The following GAREM1 variants were observed in gnomAD, a reference collection of about 807,000 sequenced individuals.
GAREM1 encodes GRB2-associated and regulator of MAPK protein 1.
In GAREM1, 26 loss-of-function variants were observed where a neutral mutation model predicts 71.3. The observed-to-expected ratio is 0.36, with a 90% CI of 0.27 to 0.51. The LOEUF (loss-of-function observed/expected upper bound fraction) is 0.51. Among genes scored for constraint, GAREM1 ranks in the 20% least tolerant of loss-of-function variants. The probability of loss-of-function intolerance (pLI) is 0.95; values close to 1 mark genes in which losing one functional copy is unlikely to be tolerated. For missense variants in GAREM1, 1,026 were observed against 1,103.1 expected, an observed-to-expected ratio of 0.93 and a Z score of 0.99; for synonymous variants, 440 against 433.2, an observed-to-expected ratio of 1.02 and a Z score of -0.20.
chr18:32,306,060 G>T lies in GAREM1; in HGVS notation c.393+4133C>A, dbSNP rs138610718. 7.9e-5 allele frequency among the ~76,000 whole-genome samples: 12 copies of T among 152,276 alleles called. No individual in the cohort carries two copies. In the East Asian group the frequency reaches 2.3e-3, roughly 29 times the overall value. ...AACTCTAGGACCACCCTACTGTACTGTCCTGGTTAACTCACTTTCCAGTCT... is the reference window on the plus strand; with the variant it reads ...AACTCTAGGACCACCCTACTGTACTTTCCTGGTTAACTCACTTTCCAGTCT... On this transcript the variant is annotated intron_variant, in intron 3 of 5. Transcript: ENST00000269209.
chr18:32,311,468 A>C (rs1433810796), intron 2 of GAREM1, among the ~76,000 whole-genome samples: 1 of 152,226 alleles, frequency 6.6e-6, no homozygotes, highest in Non-Finnish European at 1.5e-5. Context: ...CAGGAGATGG[A>C]TACTATAATA....
At chr18:32,408,802 T>C (rs1248629564) in intron 1 of GAREM1, among the ~76,000 whole-genome samples, 2 of 152,200 alleles carry the variant, frequency 1.3e-5, no homozygotes, top group Non-Finnish European at 2.9e-5. Flanking sequence ...AGAATCTATA[T>C]GCCAATCAAA....
intron 2 of GAREM1, among the ~76,000 whole-genome samples, chr18:32,310,953 C>G (rs964868765): frequency 2.0e-5 from 3 of 152,164 alleles, no homozygotes; most frequent in Non-Finnish European, 4.4e-5. Flanking sequence ...TTCCTCTCAA[C>G]CACTGAGCCT....
rs75083486 is a variant in GAREM1 at position 32,326,238 on chromosome 18, C to G, written c.263-15915G>C. On this transcript the variant is annotated intron_variant, in intron 2 of 5. Coordinates refer to ENST00000269209, the MANE Select transcript of GAREM1 (RefSeq NM_001242409.2). Reference sequence around the variant, plus strand: ...ACTTCGGTTATGGGAAAGATAGAGACTGGGAAATAACAAGTGTGATCTTTT... The same window carrying G: ...ACTTCGGTTATGGGAAAGATAGAGAGTGGGAAATAACAAGTGTGATCTTTT... Among the ~76,000 whole-genome samples the G allele has an allele frequency of 7.4e-3, 1,128 of 152,314 alleles. 11 individuals are homozygous for G. The highest frequency in any genetic ancestry group is 0.01 in the Non-Finnish European group (698 of 68,038).
Position 32,268,247 on chromosome 18 carries a change from T to A in GAREM1, c.2255A>T (p.Glu752Val), listed in dbSNP as rs1567940470. 1 of 1,614,074 alleles carries A rather than the reference T, an allele frequency of 6.2e-7. No individual in the cohort carries two copies. The highest frequency in any genetic ancestry group is 1.3e-5 in the African/African-American group (1 of 75,008). ...SPLPLKIDGA[E>V]EDPKSGSPDL... is the part of the protein sequence containing the mutation. ...TGGTGACCCAGACTTGGGGTCTTCC[T>A]CAGCACCATCAATTTTCAGAGGCAA... Residue 752 changes from glutamate to valine, a missense_variant, in exon 6 of 6, where the codon GAG becomes GTG. Physicochemically the swap from Glu to Val is moderately radical, Grantham distance 121 (BLOSUM62 -2). This residue lies in a region of GAREM1 where 636 missense variants were observed against 631.2 expected (regional missense o/e 1.01). Transcript: ENST00000269209.
rs372295234 is a variant in GAREM1 at position 32,310,253 on chromosome 18, C to A, written c.333G>T (p.Glu111Asp). The change falls in exon 3 of 6, where the codon GAG becomes GAT. Residue 111 changes from glutamate (E) to aspartate (D), a missense_variant. Physicochemically the swap from Glu to Asp is conservative, Grantham distance 45. Around this residue, in one of 3 missense-constraint regions of GAREM1, gnomAD observed 172 missense variants for 175.2 expected, o/e 0.98. Transcript: ENST00000269209. Reference sequence around the variant, plus strand: ...CGCGTTCAGGAAATGCCTTAGCCACCTCCTCCACACTGTTGAAATATTGCA... The same window carrying A: ...CGCGTTCAGGAAATGCCTTAGCCACATCCTCCACACTGTTGAAATATTGCA... Reference protein sequence around the residue: ...EPVQYFNSVEEVAKAFPERVY... With the variant: ...EPVQYFNSVEDVAKAFPERVY... The A allele has an allele frequency of 6.2e-7, 1 of 1,614,000 alleles. No individual in the cohort carries two copies. The highest frequency in any genetic ancestry group is 2.2e-5 in the East Asian group (1 of 44,870).
chr18:32,353,432 T>C (rs2047772848), intron 2 of GAREM1, among the ~76,000 whole-genome samples: 1 of 152,216 alleles, frequency 6.6e-6, no homozygotes, highest in African/African-American at 2.4e-5. Flanking sequence ...ATTTTGTTAA[T>C]GTACAGCCAG....
In GAREM1 at chr18:32,391,244, CAGTT is replaced by C. The variant is rs149323768; in HGVS notation, c.262+1647_262+1650del. 7.0e-4 allele frequency among the ~76,000 whole-genome samples: 107 copies of C among 152,264 alleles called. 1 individual carries two copies. The East Asian group carries it at 0.018, about 26-fold the overall frequency. Reference sequence around the variant, plus strand: ...AAAAGTGTCTAGTATGTTCAGGAAACAGTTAGACGACTAATGTAGCAAGAGTGGG... The same window carrying C: ...AAAAGTGTCTAGTATGTTCAGGAAACAGACGACTAATGTAGCAAGAGTGGG... On this transcript the variant is annotated intron_variant, in intron 2 of 5. Coordinates refer to ENST00000269209, the MANE Select transcript of GAREM1 (RefSeq NM_001242409.2).
At chr18:32,469,450 CAAGAG>C (rs2049029037) in intron 1 of GAREM1, among the ~76,000 whole-genome samples, 1 of 152,172 alleles carries the variant, frequency 6.6e-6, no homozygotes, top group South Asian at 2.1e-4. Flanking sequence ...ATGATGAAAA[CAAGAG>C]AAGACCAAAC....
chr18:32,457,198 GTA>G (rs2048898541), intron 1 of GAREM1, among the ~76,000 whole-genome samples: 3 of 110,980 alleles, frequency 2.7e-5, no homozygotes, highest in Non-Finnish European at 5.9e-5. Context: ...GATTGTGTGT[GTA>G]GGGGGGGAGA....
chr18:32,375,046 A>G (rs2048019550), intron 2 of GAREM1, among the ~76,000 whole-genome samples: 1 of 152,216 alleles, frequency 6.6e-6, no homozygotes. Flanking sequence ...TAGTCCTACT[A>G]AAAGTAATGC....
intron 2 of GAREM1, among the ~76,000 whole-genome samples, chr18:32,316,177 A>T (rs892474366): frequency 6.6e-6 from 1 of 152,228 alleles, no homozygotes; most frequent in Non-Finnish European, 1.5e-5. Flanking sequence ...TGATTAACAC[A>T]CACAGATAAG....
chr18:32,372,654 G>A (rs1166424218), intron 2 of GAREM1, among the ~76,000 whole-genome samples: 1 of 152,162 alleles, frequency 6.6e-6, no homozygotes, highest in Non-Finnish European at 1.5e-5. Flanking sequence ...TCATGACCAT[G>A]GAAAAGAGCA....
intron 2 of GAREM1, among the ~76,000 whole-genome samples, chr18:32,379,640 G>A (rs1381525785): frequency 6.6e-6 from 1 of 151,820 alleles, no homozygotes. Context: ...AGGAGACAGA[G>A]GTTGCAGTGA....
intron 2 of GAREM1, among the ~76,000 whole-genome samples, chr18:32,338,901 G>C (rs1248636301): frequency 1.3e-5 from 2 of 152,158 alleles, no homozygotes; most frequent in Admixed American, 6.6e-5. Flanking sequence ...TTTGAGTAAA[G>C]CAGACTCCCT....
intron 2 of GAREM1, among the ~76,000 whole-genome samples, chr18:32,320,658 T>C (rs1415825181): frequency 6.6e-6 from 1 of 152,222 alleles, no homozygotes; most frequent in Non-Finnish European, 1.5e-5. Context: ...AAGCAAGTGG[T>C]CAGACCATTA....
At position 32,470,240 on chromosome 18, in the gene GAREM1, C is replaced by T. The variant is rs2049038024; in HGVS notation, c.121+68G>A. ...CCCGCGGGTCCCACCCTCTCCAGCA[C>T]ACGCGCGCACACCCGCGTGGAGACG... On this transcript the variant is annotated intron_variant, in intron 1 of 5. Coordinates refer to ENST00000269209, the MANE Select transcript of GAREM1 (RefSeq NM_001242409.2). This position sits in a 1 kb window ranked among gnomAD's most constrained non-coding sequence, Gnocchi z 4.4. 1 of 1,369,310 alleles carries T rather than the reference C, an allele frequency of 7.3e-7. No homozygotes were observed. The highest frequency in any genetic ancestry group is 9.5e-7 in the Non-Finnish European group (1 of 1,050,356). 84.8% of individuals were successfully genotyped at this position (1,369,310 alleles called of 1,614,324 possible).
chr18:32,276,972 G>C (rs769844889), intron 4 of GAREM1, among the ~76,000 whole-genome samples: 1 of 152,220 alleles, frequency 6.6e-6, no homozygotes, highest in Non-Finnish European at 1.5e-5. Flanking sequence ...GAAGCCAAGG[G>C]AGGGAGAGCT....
intron 2 of GAREM1, among the ~76,000 whole-genome samples, chr18:32,369,358 A>G (rs2047955320): frequency 6.6e-6 from 1 of 152,160 alleles, no homozygotes; most frequent in African/African-American, 2.4e-5. Context: ...CACTTTACCA[A>G]TCTGAAACTC....
Sources: gnomAD v4.1 joint callset for allele counts (sites outside exome capture counted in the v4.1 genomes callset) on GRCh38, gnomAD v4.1.1 for gene constraint, gnomAD v4.1.1 regional missense constraint, Gnocchi (gnomAD v3.1) non-coding constraint, MANE v1.5 for transcripts, NCBI Gene and HGNC (gene_info 2026-07-23, HGNC 2026-07-21) for gene names.